The following TMEM30A variants were observed in gnomAD, a reference collection of about 807,000 sequenced individuals.
TMEM30A encodes the protein cell cycle control protein 50A.
Under a neutral mutation model 38.2 loss-of-function variants are expected in TMEM30A, and 24 were observed. The ratio of observed to expected loss-of-function variants is 0.63; its 90% CI spans 0.46 to 0.88. The LOEUF (loss-of-function observed/expected upper bound fraction) is 0.88. TMEM30A is among the 40% of genes least tolerant of loss of function. TMEM30A has a pLI of 0.00. For missense variants in TMEM30A, 370 were observed against 458.6 expected, an observed-to-expected ratio of 0.81 and a Z score of 1.77; for synonymous variants, 145 against 161.6, an observed-to-expected ratio of 0.90 and a Z score of 0.78.
intron 6 of TMEM30A, chr6:75,256,829 T>C: frequency 2.2e-6 from 1 of 459,048 alleles, no homozygotes; most frequent in Non-Finnish European, 4.4e-6. Context: ...AAACTCACTC[T>C]GTGACACAGC....
rs77398581 is a variant in TMEM30A at position 75,274,983 on chromosome 6, C to A, written c.238-7235G>T. On this transcript the variant is annotated intron_variant, in intron 1 of 6. Coordinates refer to ENST00000230461, the MANE Select transcript of TMEM30A (RefSeq NM_018247.4). ...CCAAGATCGTGCCACTGCACTCCAG[C>A]CTGGGTGACAGATCGAGACTCTGTC... is the stretch of plus-strand genomic sequence containing the variant. Among the ~76,000 whole-genome samples the A allele has an allele frequency of 1.1e-3, 156 of 148,396 alleles. 4 individuals are homozygous for A. The East Asian group carries it at 0.027, about 26-fold the overall frequency.
At chr6:75,262,417 G>T (rs988764722) in intron 3 of TMEM30A, among the ~76,000 whole-genome samples, 2 of 151,964 alleles carry the variant, frequency 1.3e-5, no homozygotes, top group African/African-American at 4.8e-5. Context: ...GGCCGAGGCT[G>T]GTGGATCACG....
intron 6 of TMEM30A, among the ~76,000 whole-genome samples, chr6:75,257,465 T>A (rs1771884909): frequency 6.6e-6 from 1 of 152,188 alleles, no homozygotes; most frequent in Admixed American, 6.5e-5. Flanking sequence ...AATTCCTCAG[T>A]GCTTCACAGA....
intron 1 of TMEM30A, among the ~76,000 whole-genome samples, chr6:75,279,051 T>C (rs1772311027): frequency 6.6e-6 from 1 of 152,024 alleles, no homozygotes; most frequent in Non-Finnish European, 1.5e-5. Context: ...AGTTTTCTTG[T>C]TATTGTGTCT....
At chr6:75,283,420 T>TA (rs1425352473) in intron 1 of TMEM30A, among the ~76,000 whole-genome samples, 1 of 151,774 alleles carries the variant, frequency 6.6e-6, no homozygotes, top group African/African-American at 2.4e-5. Flanking sequence ...AATTCTCAGA[T>TA]ATGCAAGAAA....
chr6:75,269,295 T>C (rs1320806653), intron 1 of TMEM30A, among the ~76,000 whole-genome samples: 2 of 152,224 alleles, frequency 1.3e-5, no homozygotes, highest in Admixed American at 1.3e-4. Flanking sequence ...AAAACCTCTG[T>C]ACTCTATATC....
At chr6:75,276,942 C>A (rs1772270820) in intron 1 of TMEM30A, among the ~76,000 whole-genome samples, 1 of 152,144 alleles carries the variant, frequency 6.6e-6, no homozygotes, top group Non-Finnish European at 1.5e-5. Context: ...CTGCCTGGAA[C>A]ATTCTTCCCT....
intron 3 of TMEM30A, among the ~76,000 whole-genome samples, chr6:75,264,714 A>C (rs1772036506): frequency 1.3e-5 from 2 of 152,214 alleles, no homozygotes; most frequent in Admixed American, 1.3e-4. Context: ...AGAACAGTAA[A>C]GAAACTAAGA....
chr6:75,279,456 A>G (rs1225630395), intron 1 of TMEM30A, among the ~76,000 whole-genome samples: 1 of 152,136 alleles, frequency 6.6e-6, no homozygotes, highest in Non-Finnish European at 1.5e-5. Flanking sequence ...TCCTATCTTT[A>G]GAAACAAAAG....
At chr6:75,265,673 T>G (rs1772056078) in intron 2 of TMEM30A, among the ~76,000 whole-genome samples, 1 of 152,228 alleles carries the variant, frequency 6.6e-6, no homozygotes, top group Admixed American at 6.5e-5. Context: ...AAACTGGTCT[T>G]CACCCAGTTA....
intron 1 of TMEM30A, 100 bp downstream of exon 1, chr6:75,284,302 C>T (rs2149526286): frequency 8.5e-7 from 1 of 1,171,222 alleles, no homozygotes; most frequent in Non-Finnish European, 1.3e-6. Context: ...GCGAGGTCAG[C>T]CAGTCAACTG....
chr6:75,266,927 A>G (rs901929488), intron 2 of TMEM30A, among the ~76,000 whole-genome samples: 1 of 152,194 alleles, frequency 6.6e-6, no homozygotes, highest in African/African-American at 2.4e-5. Context: ...GCAACCAACT[A>G]TTAGGGACTA....
rs76016473 is a variant in TMEM30A at position 75,268,266 on chromosome 6, G to A, written c.238-518C>T. On this transcript the variant is annotated intron_variant, in intron 1 of 6. Coordinates refer to ENST00000230461, the MANE Select transcript of TMEM30A (RefSeq NM_018247.4). ...GAGCTTTATGCTTGGAATTTCCCAG[G>A]TGACAGAAGTATCTTTGTTATTCAT... Among the ~76,000 whole-genome samples the A allele has an allele frequency of 7.0e-3, 1,073 of 152,264 alleles. 33 individuals are homozygous for A. The East Asian group carries it at 0.11, about 15-fold the overall frequency.
In TMEM30A at chr6:75,254,351, G is replaced by A. The variant is rs1212012907; in HGVS notation, c.*1751C>T. 1 of 152,078 alleles carries A rather than the reference G, an allele frequency of 6.6e-6. No individual in the cohort carries two copies. Among genetic ancestry groups the A allele is most frequent in the Non-Finnish European group, 1.5e-5 (1 of 67,982 alleles). The allele number at this position is 152,078 out of a possible 1,614,324, so 9.4% of individuals were successfully genotyped here. A position where few individuals can be genotyped will look rare whatever the true frequency, so the allele number is the denominator to read the frequency against. On this transcript the variant is annotated 3_prime_UTR_variant, in exon 7 of 7. Transcript: ENST00000230461. Reference sequence around the variant, plus strand: ...TATCCCCGAAAATAAACTGCCAAGTGCAAGAGGGACAATCTTCAGAATAAA... The same window carrying A: ...TATCCCCGAAAATAAACTGCCAAGTACAAGAGGGACAATCTTCAGAATAAA...
chr6:75,257,301 A>G (rs541030705), intron 6 of TMEM30A, among the ~76,000 whole-genome samples: 17 of 152,098 alleles, frequency 1.1e-4, no homozygotes, highest in Non-Finnish European at 2.1e-4. Context: ...CTTATGCCCA[A>G]TTTTGATAAT....
chr6:75,268,891 C>T (rs533475824), intron 1 of TMEM30A, among the ~76,000 whole-genome samples: 74 of 152,290 alleles, frequency 4.9e-4, no homozygotes, highest in African/African-American at 1.7e-3. Context: ...GACACTATTT[C>T]AGGATGGTTA....
Position 75,259,471 on chromosome 6 carries a change from G to A in TMEM30A, c.561C>T (p.Leu187=), listed in dbSNP as rs144512821. The A allele has an allele frequency of 6.3e-4, 1,018 of 1,606,170 alleles. 5 individuals carry two copies. The highest frequency in any genetic ancestry group is 6.0e-3 in the African/African-American group (447 of 74,632). Residue 187 remains leucine, a synonymous_variant, in exon 5 of 7, where the codon CTC becomes CTT. Coordinates refer to ENST00000230461, the MANE Select transcript of TMEM30A (RefSeq NM_018247.4). ...SMFNDTLELF[L]IGNDSYPIPI... The stretch of plus-strand genomic sequence containing the variant: ...GTATAGGATAAGAATCATTGCCAAT[G>A]AGAAACAATTCTAATGTATCTAAAC...
rs776710472 is a variant in TMEM30A at position 75,259,399 on chromosome 6, A to G, written c.633T>C (p.Asn211=). ...KKGIAWWTDK[N]VKFRNPPGGD... ...CTCCAGGGGGATTTCTGAATTTCAC[A>G]TTTTTATCTGTCCACCAAGCAATAC... The change falls in exon 5 of 7, where the codon AAT becomes AAC. Residue 211 remains asparagine (N), a synonymous_variant. Coordinates refer to ENST00000230461, the MANE Select transcript of TMEM30A (RefSeq NM_018247.4). 11 of 1,613,530 alleles carry G rather than the reference A, an allele frequency of 6.8e-6. No individual in the cohort carries two copies. The South Asian group carries it at 8.8e-5, about 13-fold the overall frequency.
chr6:75,262,966 T>TA (rs1771998390), intron 3 of TMEM30A, among the ~76,000 whole-genome samples: 1 of 152,232 alleles, frequency 6.6e-6, no homozygotes, highest in Admixed American at 6.5e-5. Context: ...GCTTACAGTA[T>TA]AGCTGGAAAG....
Sources: allele counts gnomAD v4.1 joint callset (sites outside exome capture counted in the v4.1 genomes callset), GRCh38; gene constraint gnomAD v4.1.1; transcripts MANE v1.5; gene names NCBI Gene and HGNC (gene_info 2026-07-23, HGNC 2026-07-21).